NDRG4: variants seen among roughly 807,000 people sequenced by gnomAD.
NDRG4 encodes protein NDRG4.
A neutral mutation model predicts 55.8 loss-of-function variants in NDRG4; 38 were observed. The observed-to-expected ratio is 0.68, with a 90% CI of 0.53 to 0.89. The LOEUF (loss-of-function observed/expected upper bound fraction) is 0.89, where lower values mean the gene tolerates loss of function less well. Among genes scored for constraint, NDRG4 ranks in the 40% least tolerant of loss-of-function variants. The pLI is 0.00. For synonymous variants in NDRG4, 190 were observed against 182.7 expected (o/e 1.04, Z -0.32); for missense variants, 455 against 468.6 (o/e 0.97, Z 0.27).
In NDRG4 at chr16:58,503,757, G is replaced by A. The variant is rs200745405; in HGVS notation, c.22-41G>A. On this transcript the variant is annotated intron_variant, in intron 1 of 14. Coordinates refer to ENST00000570248, the MANE Select transcript of NDRG4 (RefSeq NM_001242835.2). ...CTCATTCCCCAGAGGAGCCAAGAGC[G>A]GAGGCTGCCCAGAGTGTCCAGCACG... 8.3e-4 allele frequency: 1,335 copies of A among 1,612,382 alleles called. 5 individuals are homozygous for A. The highest frequency in any genetic ancestry group is 4.3e-3 in the Middle Eastern group (26 of 6,060).
chr16:58,510,266 C>T (rs369969209), intron 13 of NDRG4, among the ~76,000 whole-genome samples: 2 of 152,322 alleles, frequency 1.3e-5, no homozygotes, highest in East Asian at 3.9e-4. Context: ...AACGGAAGAA[C>T]ATTGTCAGGC....
Position 58,512,940 on chromosome 16 carries a change from G to C in NDRG4, c.*1364G>C. ...TGAGGCTGAGAGGACACCTATATGC[G>C]TATTTCCTCTACACACATCACCCCC... On this transcript the variant is annotated 3_prime_UTR_variant, in exon 15 of 15. Coordinates refer to ENST00000570248, the MANE Select transcript of NDRG4 (RefSeq NM_001242835.2). The C allele has an allele frequency of 6.5e-6, 1 of 152,706 alleles. No homozygotes were observed. Among genetic ancestry groups the C allele is most frequent in the Admixed American group, 6.5e-5 (1 of 15,284 alleles). The allele number at this position is 152,706 out of a possible 1,614,324, so 9.5% of individuals were successfully genotyped here.
chr16:58,506,678 T>C (rs1045366894), intron 7 of NDRG4, 64 bp downstream of exon 7: 8 of 1,520,454 alleles, frequency 5.3e-6, no homozygotes, highest in Non-Finnish European at 7.1e-6. Context: ...GCTGGCTCGG[T>C]AGGAGGCAGG....
intron 3 of NDRG4, 27 bp from the exon 4 acceptor site, chr16:58,504,332 G>A: frequency 6.2e-7 from 1 of 1,613,894 alleles, no homozygotes; most frequent in Non-Finnish European, 8.5e-7. Context: ...GCCACACCTG[G>A]GCCCTGACCT....
intron 8 of NDRG4, chr16:58,507,358 T>C: frequency 2.6e-6 from 1 of 386,296 alleles, no homozygotes; most frequent in African/African-American, 2.0e-5. Flanking sequence ...AGCCTGTGGT[T>C]TTCAAGCTGT....
chr16:58,467,841 C>A (rs979101771), intron 1 of NDRG4, among the ~76,000 whole-genome samples: 3 of 152,222 alleles, frequency 2.0e-5, no homozygotes, highest in Non-Finnish European at 4.4e-5. Context: ...TAGTTGATGA[C>A]AGTCGTGGAG....
In NDRG4 at chr16:58,509,141, C is replaced by G; in HGVS notation, c.778-13C>G. 1 of 1,614,026 alleles carries G rather than the reference C, an allele frequency of 6.2e-7. No homozygotes were observed. Among genetic ancestry groups the G allele is most frequent in the South Asian group, 1.1e-5 (1 of 91,090 alleles). On this transcript the variant is annotated splice_polypyrimidine_tract_variant and intron_variant, in intron 11 of 14. Transcript: ENST00000570248. Reference sequence around the variant, plus strand: ...AGGGCCCTGCTCAGGTCACCCCACTCTCTCCCTTGCAGATGGCAGACTCTG... The same window carrying G: ...AGGGCCCTGCTCAGGTCACCCCACTGTCTCCCTTGCAGATGGCAGACTCTG...
chr16:58,491,043 G>A (rs993708499), intron 2 of NDRG4, among the ~76,000 whole-genome samples: 4 of 151,830 alleles, frequency 2.6e-5, no homozygotes, highest in African/African-American at 7.3e-5. Context: ...TTGGGAGGCC[G>A]AGGCGAGCGG....
intron 1 of NDRG4, among the ~76,000 whole-genome samples, chr16:58,474,089 T>TCCCCCCC (rs1288383616): frequency 2.1e-5 from 3 of 140,546 alleles, no homozygotes; most frequent in African/African-American, 8.3e-5. Flanking sequence ...CAGGCTGGAG[T>TCCCCCCC]CCAGTGGCGT....
At chr16:58,501,232 C>A (rs376518831) in intron 1 of NDRG4, 5 of 415,280 alleles carry the variant, frequency 1.2e-5, no homozygotes, top group African/African-American at 8.2e-5. Flanking sequence ...CCATGCAGAC[C>A]CTGTCCCCTG....
chr16:58,505,713 C>CTTTTTTT (rs1028370131), intron 5 of NDRG4, among the ~76,000 whole-genome samples: 11 of 58,656 alleles, frequency 1.9e-4, no homozygotes, highest in African/African-American at 3.1e-4. Context: ...GCTTCATTTT[C>CTTTTTTT]TTTTTTTTTT....
intron 2 of NDRG4, among the ~76,000 whole-genome samples, chr16:58,489,314 T>C (rs774607616): frequency 2.2e-4 from 33 of 151,882 alleles, no homozygotes; most frequent in Admixed American, 3.3e-4. Context: ...GCCATGTCAC[T>C]TCTCTGCTTA....
intron 3 of NDRG4, chr16:58,495,031 A>C: frequency 6.2e-7 from 1 of 1,611,698 alleles, no homozygotes; most frequent in Non-Finnish European, 8.5e-7. Context: ...TCAGACCCCC[A>C]AGATGTGGGA....
chr16:58,464,981 C>T lies in NDRG4; in HGVS notation c.-24+1184C>T. Reference sequence around the variant, plus strand: ...TGACTGGGGACCCTCAGCCTTGGGGCTCCTCTGGAGAAGTGATCAGTTGCC... The same window carrying T: ...TGACTGGGGACCCTCAGCCTTGGGGTTCCTCTGGAGAAGTGATCAGTTGCC... On this transcript the variant is annotated intron_variant, in intron 1 of 15. Coordinates refer to the NDRG4 transcript ENST00000258187. This position sits in a 1 kb window ranked among gnomAD's most constrained non-coding sequence, Gnocchi z 4.8. 1.7e-6 allele frequency: 2 copies of T among 1,204,580 alleles called. No homozygotes were observed. The highest frequency in any genetic ancestry group is 2.1e-6 in the Non-Finnish European group (2 of 946,966). 74.6% of individuals were successfully genotyped at this position (1,204,580 alleles called of 1,614,324 possible). A position where few individuals can be genotyped will look rare whatever the true frequency, so the allele number is the denominator to read the frequency against.
chr16:58,508,577 A>AG (rs1473371337), intron 10 of NDRG4, among the ~76,000 whole-genome samples: 2 of 152,264 alleles, frequency 1.3e-5, no homozygotes, highest in East Asian at 3.9e-4. Flanking sequence ...AGGTCCTGGA[A>AG]GAGCAGGGTG....
chr16:58,473,422 C>G (rs1455530614), intron 1 of NDRG4, among the ~76,000 whole-genome samples: 1 of 152,176 alleles, frequency 6.6e-6, no homozygotes, highest in Non-Finnish European at 1.5e-5. Flanking sequence ...CCTTGGCCTC[C>G]CAAAGTGCTG....
At chr16:58,467,389 C>T (rs1440047931) in intron 1 of NDRG4, among the ~76,000 whole-genome samples, 1 of 152,126 alleles carries the variant, frequency 6.6e-6, no homozygotes, top group East Asian at 1.9e-4. Context: ...CGCCTGTAGT[C>T]CCAGCTACTT....
chr16:58,483,387 GA>G (rs2034701695), intron 1 of NDRG4, among the ~76,000 whole-genome samples: 2 of 151,954 alleles, frequency 1.3e-5, no homozygotes, highest in Admixed American at 6.6e-5. Context: ...AGAAGAAGGA[GA>G]AAAGGAGAAA....
chr16:58,473,591 T>C (rs1331933192), intron 1 of NDRG4, among the ~76,000 whole-genome samples: 2 of 152,126 alleles, frequency 1.3e-5, no homozygotes, highest in Non-Finnish European at 1.5e-5. Flanking sequence ...GATAGCTCTA[T>C]CCTTCCATAG....
Sources: allele counts gnomAD v4.1 joint callset (sites outside exome capture counted in the v4.1 genomes callset), GRCh38; gene constraint gnomAD v4.1.1; non-coding constraint Gnocchi (gnomAD v3.1); transcripts MANE v1.5; gene names NCBI Gene and HGNC (gene_info 2026-07-23, HGNC 2026-07-21).